The following DLG2 variants were observed in gnomAD, a reference collection of about 807,000 sequenced individuals.
DLG2 encodes disks large homolog 2.
DLG2 carries 45 observed loss-of-function variants against 132.5 expected under a neutral mutation model. The observed-to-expected ratio is 0.34, with a 90% confidence interval of 0.27 to 0.44. The LOEUF is 0.44. Among genes scored for constraint, DLG2 ranks in the 20% least tolerant of loss-of-function variants. The probability of loss-of-function intolerance (pLI) is 1.00; values close to 1 mark genes in which losing one functional copy is unlikely to be tolerated. For synonymous variants in DLG2, 424 were observed against 419.6 expected (o/e 1.01, Z -0.13); for missense variants, 1,045 against 1,196.9 (o/e 0.87, Z 1.87).
At chr11:85,001,257 C>CTTA (rs146938936) in intron 6 of DLG2, among the ~76,000 whole-genome samples, 19 of 151,686 alleles carry the variant, frequency 1.3e-4, no homozygotes, top group Admixed American at 2.0e-4. Flanking sequence ...CCATGCCCAG[C>CTTA]TTATTATTAT....
intron 6 of DLG2, among the ~76,000 whole-genome samples, chr11:84,612,676 G>A (rs1008236877): frequency 6.6e-6 from 1 of 151,774 alleles, no homozygotes; most frequent in African/African-American, 2.4e-5. Flanking sequence ...TTTATAATAT[G>A]GTTATATTAT....
At chr11:84,346,271 T>C (rs2098538938) in intron 7 of DLG2, among the ~76,000 whole-genome samples, 1 of 152,214 alleles carries the variant, frequency 6.6e-6, no homozygotes, top group Admixed American at 6.5e-5. Context: ...TAGAGAGTAT[T>C]TCATTTGTTT....
chr11:84,587,913 C>T (rs1398315178), intron 6 of DLG2, among the ~76,000 whole-genome samples: 1 of 152,182 alleles, frequency 6.6e-6, no homozygotes, highest in Admixed American at 6.6e-5. Flanking sequence ...CCTTACAGCT[C>T]ACCTGAACCA....
intron 3 of DLG2, among the ~76,000 whole-genome samples, chr11:85,481,543 C>T (rs947823451): frequency 6.6e-6 from 1 of 152,086 alleles, no homozygotes; most frequent in African/African-American, 2.4e-5. Context: ...GCAGTGAGTA[C>T]AAGACTTTGC....
At chr11:85,037,181 T>C (rs772641650) in intron 6 of DLG2, among the ~76,000 whole-genome samples, 1 of 152,174 alleles carries the variant, frequency 6.6e-6, no homozygotes, top group Non-Finnish European at 1.5e-5. Flanking sequence ...TCCTGGTCTT[T>C]GCCACCCTGA....
intron 3 of DLG2, among the ~76,000 whole-genome samples, chr11:85,380,719 A>G (rs1417867836): frequency 2.0e-5 from 3 of 152,222 alleles, no homozygotes; most frequent in South Asian, 2.1e-4. Flanking sequence ...GAGAAGCATC[A>G]TAACTAGTTA....
intron 8 of DLG2, among the ~76,000 whole-genome samples, chr11:84,180,822 T>C (rs1384696294): frequency 6.6e-6 from 1 of 151,904 alleles, no homozygotes; most frequent in Non-Finnish European, 1.5e-5. Flanking sequence ...TTTATAAAAT[T>C]ATCCTTCAAG....
At chr11:85,246,459 T>A (rs186637781) in intron 4 of DLG2, among the ~76,000 whole-genome samples, 1 of 151,824 alleles carries the variant, frequency 6.6e-6, no homozygotes, top group Admixed American at 6.6e-5. Context: ...AAGCCCCATA[T>A]GCTTAATGTG....
intron 6 of DLG2, among the ~76,000 whole-genome samples, chr11:84,627,967 T>C (rs1190341604): frequency 2.6e-5 from 4 of 152,086 alleles, no homozygotes; most frequent in African/African-American, 9.7e-5. Flanking sequence ...CATAGGGGAT[T>C]ACAATTCAAC....
chr11:84,310,609 C>T (rs764212370), intron 7 of DLG2, among the ~76,000 whole-genome samples: 1 of 152,210 alleles, frequency 6.6e-6, no homozygotes, highest in Non-Finnish European at 1.5e-5. Context: ...CACAGGAATA[C>T]TTACAATTTT....
At chr11:83,464,901 T>A (rs1213119684) in intron 26 of DLG2, among the ~76,000 whole-genome samples, 1 of 152,220 alleles carries the variant, frequency 6.6e-6, no homozygotes, top group Non-Finnish European at 1.5e-5. Flanking sequence ...TTCTTCTCAT[T>A]AATGTTAGCA....
chr11:85,395,250 A>T (rs1166207620), intron 3 of DLG2, among the ~76,000 whole-genome samples: 1 of 152,346 alleles, frequency 6.6e-6, no homozygotes, highest in East Asian at 1.9e-4. Flanking sequence ...GAAGAGTAAC[A>T]TTTAAGCTGG....
At chr11:84,423,227 C>T (rs983887640) in intron 7 of DLG2, among the ~76,000 whole-genome samples, 2 of 152,030 alleles carry the variant, frequency 1.3e-5, no homozygotes, top group Admixed American at 6.6e-5. Flanking sequence ...CATAATTCTT[C>T]ACTTAAACAT....
intron 10 of DLG2, among the ~76,000 whole-genome samples, chr11:84,098,359 A>T (rs2097195757): frequency 6.6e-6 from 1 of 152,064 alleles, no homozygotes; most frequent in Non-Finnish European, 1.5e-5. Context: ...CTTCATCCAG[A>T]TGAAGCTGCT....
intron 21 of DLG2, among the ~76,000 whole-genome samples, chr11:83,494,523 T>C (rs962145198): frequency 6.6e-6 from 1 of 151,684 alleles, no homozygotes; most frequent in African/African-American, 2.4e-5. Flanking sequence ...ACCATGTTTA[T>C]GGCTGTTTTT....
chr11:83,614,796 G>C (rs1418545258), intron 19 of DLG2, among the ~76,000 whole-genome samples: 1 of 152,104 alleles, frequency 6.6e-6, no homozygotes, highest in Non-Finnish European at 1.5e-5. Flanking sequence ...CTTTCTGTTT[G>C]GGTTCTGTGC....
chr11:83,796,755 G>GT (rs962578674), intron 17 of DLG2, among the ~76,000 whole-genome samples: 3 of 152,144 alleles, frequency 2.0e-5, no homozygotes, highest in African/African-American at 7.2e-5. Context: ...AAATATATTT[G>GT]TTTTTTAAAA....
chr11:84,633,870 A>G (rs1348096094), intron 6 of DLG2, among the ~76,000 whole-genome samples: 1 of 152,166 alleles, frequency 6.6e-6, no homozygotes, highest in Non-Finnish European at 1.5e-5. Flanking sequence ...GAAATAACAA[A>G]GGCAGCTGTA....
intron 15 of DLG2, among the ~76,000 whole-genome samples, chr11:83,912,425 C>T (rs1565610435): frequency 6.6e-6 from 1 of 151,990 alleles, no homozygotes; most frequent in Non-Finnish European, 1.5e-5. Flanking sequence ...ACAGTGTCTA[C>T]CAAATGTTGT....
Sources: gnomAD v4.1 joint callset for allele counts (sites outside exome capture counted in the v4.1 genomes callset) on GRCh38, gnomAD v4.1.1 for gene constraint, MANE v1.5 for transcripts, NCBI Gene and HGNC (gene_info 2026-07-23, HGNC 2026-07-21) for gene names.